The following COMMD1 variants were observed in gnomAD, a reference collection of about 807,000 sequenced individuals.
The protein encoded by COMMD1 is COMM domain-containing protein 1.
COMMD1 carries 10 observed loss-of-function variants against 17.2 expected under a neutral mutation model. The ratio of observed to expected loss-of-function variants is 0.58; its 90% CI spans 0.36 to 0.99. COMMD1 has a LOEUF of 0.99. COMMD1 is among the 50% of genes least tolerant of loss of function. The pLI is 0.01. For synonymous variants in COMMD1, 97 were observed against 91.6 expected (o/e 1.06, Z -0.34); for missense variants, 270 against 231.8 (o/e 1.17, Z -1.07).
At chr2:61,936,181 C>T (rs1478270497) in intron 1 of COMMD1, among the ~76,000 whole-genome samples, 1 of 151,994 alleles carries the variant, frequency 6.6e-6, no homozygotes, top group Non-Finnish European at 1.5e-5. Flanking sequence ...TTTGATGCAC[C>T]TATTAGCGTC....
chr2:61,972,202 C>G (rs935038173), intron 1 of COMMD1, among the ~76,000 whole-genome samples: 4 of 152,006 alleles, frequency 2.6e-5, no homozygotes, highest in Non-Finnish European at 4.4e-5. Context: ...ATCTCATTAT[C>G]TAAGTAGAAA....
chr2:61,905,555 G>A (rs1669746928), upstream of COMMD1: 2 of 931,262 alleles, frequency 2.1e-6, no homozygotes, highest in African/African-American at 3.3e-5. Flanking sequence ...CTGACCCCTG[G>A]GGAAGCCTTG....
intron 1 of COMMD1, among the ~76,000 whole-genome samples, chr2:61,933,133 G>A (rs1380829455): frequency 1.3e-5 from 2 of 151,952 alleles, no homozygotes; most frequent in Non-Finnish European, 2.9e-5. Context: ...GTCTCTGGCT[G>A]GGCCCCTCTC....
At chr2:62,102,722 T>C (rs1056432705) in intron 2 of COMMD1, among the ~76,000 whole-genome samples, 3 of 152,136 alleles carry the variant, frequency 2.0e-5, no homozygotes, top group Admixed American at 2.0e-4. Flanking sequence ...CCTAAGAGTA[T>C]TACTCTAACA....
intron 1 of COMMD1, among the ~76,000 whole-genome samples, chr2:61,974,891 T>C (rs1331448604): frequency 6.6e-6 from 1 of 152,004 alleles, no homozygotes; most frequent in Non-Finnish European, 1.5e-5. Flanking sequence ...GTCCATTGTT[T>C]ACATTAGCGT....
intron 2 of COMMD1, among the ~76,000 whole-genome samples, chr2:62,038,324 A>T (rs1670094372): frequency 6.6e-6 from 1 of 152,128 alleles, no homozygotes; most frequent in African/African-American, 2.4e-5. Context: ...AACAACAAAA[A>T]TAACCAAAAA....
intron 1 of COMMD1, among the ~76,000 whole-genome samples, chr2:61,896,918 C>T (rs10186659): frequency 0.056 from 8,430 of 151,562 alleles, 405 homozygotes; most frequent in African/African-American, 0.12. Flanking sequence ...CAACCTCCGC[C>T]TCCCAGGTTC....
chr2:62,051,137 A>C (rs1266269524), intron 2 of COMMD1, among the ~76,000 whole-genome samples: 2 of 152,028 alleles, frequency 1.3e-5, no homozygotes, highest in Admixed American at 1.3e-4. Context: ...AATGCAGCTT[A>C]TTTACCTATA....
At chr2:61,998,619 G>T (rs906625011) in intron 1 of COMMD1, among the ~76,000 whole-genome samples, 1 of 152,150 alleles carries the variant, frequency 6.6e-6, no homozygotes, top group Admixed American at 6.5e-5. Context: ...TTTCTTTGAA[G>T]AACTTCTCCT....
In COMMD1 at chr2:61,973,428, G is replaced by A. The variant is rs115422380; in HGVS notation, c.181-27273G>A. Among the ~76,000 whole-genome samples, 1,426 of 152,220 alleles carry A rather than the reference G, an allele frequency of 9.4e-3. 26 individuals are homozygous for A. The highest frequency in any genetic ancestry group is 0.032 in the African/African-American group (1,311 of 41,534). On this transcript the variant is annotated intron_variant, in intron 1 of 2. Transcript: ENST00000311832. ...GAGAAACTGTATTCACTATCGTGGG[G>A]CATTTTATTTTTGCCAGTATAATGG...
chr2:62,091,883 G>T (rs559266935), intron 2 of COMMD1, among the ~76,000 whole-genome samples: 1 of 152,326 alleles, frequency 6.6e-6, no homozygotes, highest in South Asian at 2.1e-4. Context: ...GCATTGTTAG[G>T]CAAGTATTCC....
At chr2:62,052,421 T>C (rs1031668233) in intron 2 of COMMD1, among the ~76,000 whole-genome samples, 3 of 152,214 alleles carry the variant, frequency 2.0e-5, no homozygotes, top group African/African-American at 7.2e-5. Context: ...CTGTCCCACG[T>C]ATCTTCAGGG....
intron 1 of COMMD1, among the ~76,000 whole-genome samples, chr2:61,995,405 A>G (rs1332235206): frequency 6.6e-6 from 1 of 152,122 alleles, no homozygotes; most frequent in Non-Finnish European, 1.5e-5. Context: ...TTTTCTATTC[A>G]CTGTTAAACT....
intron 2 of COMMD1, among the ~76,000 whole-genome samples, chr2:62,125,444 C>T (rs1001267152): frequency 5.3e-5 from 8 of 152,124 alleles, no homozygotes; most frequent in African/African-American, 7.2e-5. Flanking sequence ...GGATGACTTG[C>T]GTTGTGATTT....
chr2:62,035,864 C>A (rs1270561563), intron 2 of COMMD1, among the ~76,000 whole-genome samples: 2 of 151,332 alleles, frequency 1.3e-5, no homozygotes, highest in Middle Eastern at 3.4e-3. Context: ...CCAGCCTGGG[C>A]AACATGCTAA....
chr2:62,125,660 G>C (rs1198772275), intron 2 of COMMD1, among the ~76,000 whole-genome samples: 3 of 152,116 alleles, frequency 2.0e-5, no homozygotes. Context: ...TTTTTGTAAA[G>C]TATTGTTTTA....
intron 1 of COMMD1, among the ~76,000 whole-genome samples, chr2:61,943,130 G>A (rs1670797116): frequency 2.6e-5 from 4 of 152,160 alleles, no homozygotes; most frequent in Admixed American, 2.0e-4. Flanking sequence ...AGAGAACTTA[G>A]GAACTTTATA....
chr2:62,085,976 T>G (rs974369728), intron 2 of COMMD1, among the ~76,000 whole-genome samples: 1 of 151,348 alleles, frequency 6.6e-6, no homozygotes, highest in Non-Finnish European at 1.5e-5. Context: ...AGACTCTGTC[T>G]CAAAACAAAA....
chr2:62,044,458 A>C (rs577581324), intron 2 of COMMD1, among the ~76,000 whole-genome samples: 1 of 152,140 alleles, frequency 6.6e-6, no homozygotes, highest in African/African-American at 2.4e-5. Flanking sequence ...TTCTGTGTTG[A>C]CCTCTGTTTT....
Sources: gnomAD v4.1 joint callset for allele counts (sites outside exome capture counted in the v4.1 genomes callset) on GRCh38, gnomAD v4.1.1 for gene constraint, MANE v1.5 for transcripts, NCBI Gene and HGNC (gene_info 2026-07-23, HGNC 2026-07-21) for gene names.